Variants in TAFA2 observed in about 807,000 individuals in gnomAD.
TAFA2 encodes the protein chemokine-like protein TAFA-2.
A neutral mutation model predicts 18.8 loss-of-function variants in TAFA2; 7 were observed. The observed-to-expected ratio is 0.37, with a 90% CI of 0.21 to 0.70. The LOEUF (loss-of-function observed/expected upper bound fraction) is 0.70, where lower values mean the gene tolerates loss of function less well. Ranked by LOEUF, TAFA2 falls within the 30% of genes least tolerant of loss-of-function variation. The pLI is 0.53. For synonymous variants in TAFA2, 60 were observed against 54.2 expected (o/e 1.11, Z -0.47); for missense variants, 122 against 158.1 (o/e 0.77, Z 1.23).
chr12:62,157,630 T>C (rs1018869948), intron 1 of TAFA2, among the ~76,000 whole-genome samples: 1 of 152,132 alleles, frequency 6.6e-6, no homozygotes, highest in African/African-American at 2.4e-5. Context: ...GCACTTGCTG[T>C]CCGCTCCTCA....
chr12:62,220,455 C>G (rs916999255), intron 1 of TAFA2, among the ~76,000 whole-genome samples: 2 of 152,174 alleles, frequency 1.3e-5, no homozygotes, highest in Admixed American at 6.5e-5. Context: ...GGTAGTAATG[C>G]AAAATAGTAC....
intron 1 of TAFA2, among the ~76,000 whole-genome samples, chr12:61,935,987 C>T (rs1038409791): frequency 1.3e-5 from 2 of 151,948 alleles, no homozygotes; most frequent in Non-Finnish European, 1.5e-5. Context: ...AGAGAGAATC[C>T]TCCCTAAATC....
chr12:62,236,510 C>T (rs2136987199), intron 1 of TAFA2, among the ~76,000 whole-genome samples: 1 of 152,230 alleles, frequency 6.6e-6, no homozygotes, highest in Non-Finnish European at 1.5e-5. Context: ...CGTGATCTAC[C>T]CACCTCAGCC....
At chr12:61,966,843 T>C (rs1879085157) in intron 1 of TAFA2, among the ~76,000 whole-genome samples, 1 of 151,898 alleles carries the variant, frequency 6.6e-6, no homozygotes, top group Non-Finnish European at 1.5e-5. Flanking sequence ...TTTCAAACTA[T>C]GGACACATTT....
At chr12:61,919,615 A>G (rs1013542250) in intron 1 of TAFA2, among the ~76,000 whole-genome samples, 1 of 152,052 alleles carries the variant, frequency 6.6e-6, no homozygotes, top group Non-Finnish European at 1.5e-5. Context: ...AACCATCAAT[A>G]CAATCTTCCT....
At chr12:61,750,526 T>C (rs1868961097) in intron 4 of TAFA2, among the ~76,000 whole-genome samples, 1 of 152,038 alleles carries the variant, frequency 6.6e-6, no homozygotes. Context: ...CAGAATCCGA[T>C]AGAAAAACAG....
At chr12:62,133,021 T>C (rs1274742558) in intron 1 of TAFA2, among the ~76,000 whole-genome samples, 1 of 151,984 alleles carries the variant, frequency 6.6e-6, no homozygotes, top group Non-Finnish European at 1.5e-5. Flanking sequence ...GAATGTGGAA[T>C]AATTATTTGT....
intron 1 of TAFA2, among the ~76,000 whole-genome samples, chr12:62,074,051 A>T (rs1882699630): frequency 6.6e-6 from 1 of 152,290 alleles, no homozygotes; most frequent in South Asian, 2.1e-4. Context: ...CTTGCCTAGC[A>T]TAGCATTAAA....
chr12:62,088,989 A>C (rs949662411), intron 1 of TAFA2, among the ~76,000 whole-genome samples: 1 of 152,050 alleles, frequency 6.6e-6, no homozygotes, highest in Non-Finnish European at 1.5e-5. Context: ...CTTATGATAC[A>C]TTATTGCTTT....
intron 1 of TAFA2, chr12:62,235,157 A>G: frequency 1.5e-6 from 1 of 664,166 alleles, no homozygotes; most frequent in South Asian, 1.4e-5. Context: ...TCTCTTGCTG[A>G]GGGGGAGACA....
chr12:62,073,389 C>T (rs1882682695), intron 1 of TAFA2, among the ~76,000 whole-genome samples: 1 of 147,998 alleles, frequency 6.8e-6, no homozygotes, highest in Non-Finnish European at 1.5e-5. Flanking sequence ...TAAGAAAACA[C>T]CTTTGAGGTA....
At chr12:62,013,446 T>C (rs948096001) in intron 1 of TAFA2, among the ~76,000 whole-genome samples, 1 of 152,224 alleles carries the variant, frequency 6.6e-6, no homozygotes, top group Non-Finnish European at 1.5e-5. Context: ...CCACTGCTAA[T>C]GGGTGCCATT....
chr12:62,247,519 T>C (rs2062892428), intron 1 of TAFA2, among the ~76,000 whole-genome samples: 1 of 152,222 alleles, frequency 6.6e-6, no homozygotes, highest in African/African-American at 2.4e-5. Context: ...TTACAACTCA[T>C]GTCATGTTCA....
At chr12:62,099,217 T>G (rs1869080965) in intron 1 of TAFA2, among the ~76,000 whole-genome samples, 2 of 151,736 alleles carry the variant, frequency 1.3e-5, no homozygotes, top group African/African-American at 4.8e-5. Flanking sequence ...TAGAACATCC[T>G]CCAAATCAAT....
chr12:62,058,392 T>C (rs1882241910), intron 1 of TAFA2, among the ~76,000 whole-genome samples: 1 of 152,212 alleles, frequency 6.6e-6, no homozygotes, highest in Non-Finnish European at 1.5e-5. Flanking sequence ...AGATAGATAT[T>C]AGACTTTTCA....
At chr12:62,180,912 A>C (rs1231278949) in intron 1 of TAFA2, among the ~76,000 whole-genome samples, 5 of 152,258 alleles carry the variant, frequency 3.3e-5, no homozygotes, top group Non-Finnish European at 5.9e-5. Context: ...TGACAAGAGC[A>C]ATCAAAATAT....
rs1343860033 is a variant in TAFA2 at position 62,047,360 on chromosome 12, C to T, written c.-2+143899G>A. 2.6e-5 allele frequency among the ~76,000 whole-genome samples: 4 copies of T among 152,044 alleles called. No homozygotes were observed. In the East Asian group the frequency reaches 5.8e-4, roughly 22 times the overall value. On this transcript the variant is annotated intron_variant, in intron 1 of 4. Transcript: ENST00000416284. ...CCTCAATTTTCTCTTAATATAAGAG[C>T]ACAACTTATGTCCCAGGATCATCAT...
intron 1 of TAFA2, among the ~76,000 whole-genome samples, chr12:61,886,599 C>T (rs1001018158): frequency 6.6e-6 from 1 of 152,138 alleles, no homozygotes; most frequent in Non-Finnish European, 1.5e-5. Context: ...GCACTGGGTC[C>T]GCAGAGTGGC....
intron 1 of TAFA2, among the ~76,000 whole-genome samples, chr12:62,247,642 TGTGACTTCACA>T (rs1353335725): frequency 6.6e-6 from 1 of 152,220 alleles, no homozygotes; most frequent in Non-Finnish European, 1.5e-5. Flanking sequence ...TTACGTAGAA[TGTGACTTCACA>T]GTGATATATT....
Sources: gnomAD v4.1 joint callset for allele counts (sites outside exome capture counted in the v4.1 genomes callset) on GRCh38, gnomAD v4.1.1 for gene constraint, MANE v1.5 for transcripts, NCBI Gene and HGNC (gene_info 2026-07-23, HGNC 2026-07-21) for gene names.